The following PROCR variants were observed in gnomAD, a reference collection of about 807,000 sequenced individuals.
PROCR encodes the protein endothelial protein C receptor.
Under a neutral mutation model 24.2 loss-of-function variants are expected in PROCR, and 22 were observed. That is an observed-to-expected ratio of 0.91 (90% CI 0.65 to 1.30). The LOEUF (loss-of-function observed/expected upper bound fraction) is 1.30, where lower values mean the gene tolerates loss of function less well. Among genes scored for constraint, PROCR ranks in the 50% most tolerant of loss-of-function variants. The pLI, the probability that PROCR is intolerant of heterozygous loss-of-function variation, is 0.00. For synonymous variants in PROCR, 137 were observed against 139.2 expected, an observed-to-expected ratio of 0.98 and a Z score of 0.11; for missense variants, 288 against 307.7, an observed-to-expected ratio of 0.94 and a Z score of 0.48.
downstream of PROCR, among the ~76,000 whole-genome samples, chr20:35,178,317 T>G (rs2086041636): frequency 7.2e-6 from 1 of 138,100 alleles, no homozygotes; most frequent in Non-Finnish European, 1.5e-5. Flanking sequence ...GGCAGGAGAA[T>G]CACTTGAACC....
At chr20:35,181,871 A>G (rs2086082077), downstream of PROCR, among the ~76,000 whole-genome samples, 1 of 152,228 alleles carries the variant, frequency 6.6e-6, no homozygotes, top group Admixed American at 6.5e-5. Flanking sequence ...TGGGAAAGCC[A>G]GATAATCAAG....
intron 1 of PROCR, among the ~76,000 whole-genome samples, 178 bp downstream of exon 1, chr20:35,172,402 G>A (rs1452323100): frequency 6.6e-6 from 1 of 152,182 alleles, no homozygotes. Context: ...GCCAAGGTGA[G>A]TTAGTACATT....
At chr20:35,211,366 G>A (rs915720305) in intron 1 of PROCR, among the ~76,000 whole-genome samples, 6 of 152,144 alleles carry the variant, frequency 3.9e-5, no homozygotes, top group Admixed American at 2.0e-4. Context: ...GCTTGCGGGA[G>A]CCTCCAAAAT....
chr20:35,215,625 C>T (rs2060379625), intron 1 of PROCR, among the ~76,000 whole-genome samples: 1 of 151,938 alleles, frequency 6.6e-6, no homozygotes. Flanking sequence ...GGGTTAAGGA[C>T]ATGAATTTAG....
downstream of PROCR, among the ~76,000 whole-genome samples, chr20:35,182,091 G>A (rs934509807): frequency 1.3e-5 from 2 of 152,222 alleles, no homozygotes; most frequent in African/African-American, 4.8e-5. Context: ...TGTTGCTTTT[G>A]CCTTAGCTGC....
intron 1 of PROCR, among the ~76,000 whole-genome samples, chr20:35,194,004 TGA>T (rs1208406798): frequency 2.6e-5 from 4 of 152,150 alleles, no homozygotes; most frequent in Admixed American, 2.6e-4. Context: ...TGATAAGAGC[TGA>T]GAGAGTGGAA....
chr20:35,174,876 C>A lies in PROCR; in HGVS notation c.245C>A (p.Thr82Lys), dbSNP rs746904216. The change falls in exon 2 of 4, where the codon ACG becomes AAG. Residue 82 changes from threonine to lysine, a missense_variant. By Grantham distance (78) the Thr-to-Lys change is moderately conservative. Transcript: ENST00000216968. ...PLQEPESWAR[T>K]QSGLQSYLLQ... ...CAGGAGCCCGAGAGCTGGGCGCGCACGCAGAGTGGCCTGCAGTCCTACCTG... is the reference window on the plus strand; with the variant it reads ...CAGGAGCCCGAGAGCTGGGCGCGCAAGCAGAGTGGCCTGCAGTCCTACCTG... 1 of 1,612,736 alleles carries A rather than the reference C, an allele frequency of 6.2e-7. No individual in the cohort carries two copies. The highest frequency in any genetic ancestry group is 8.5e-7 in the Non-Finnish European group (1 of 1,179,556).
chr20:35,207,136 G>T (rs2060345528), intron 1 of PROCR, among the ~76,000 whole-genome samples: 1 of 152,118 alleles, frequency 6.6e-6, no homozygotes, highest in Non-Finnish European at 1.5e-5. Context: ...GTCTGGAAAA[G>T]AAAAAACTAT....
chr20:35,185,314 G>C (rs751861114), intron 1 of PROCR, among the ~76,000 whole-genome samples: 2 of 152,182 alleles, frequency 1.3e-5, no homozygotes, highest in African/African-American at 2.4e-5. Flanking sequence ...AGCTGCTATG[G>C]AAAACAGCGT....
At chr20:35,211,331 G>C (rs919193588) in intron 1 of PROCR, among the ~76,000 whole-genome samples, 2 of 152,272 alleles carry the variant, frequency 1.3e-5, no homozygotes, top group Middle Eastern at 3.4e-3. Flanking sequence ...AAAGGTATAA[G>C]GAGATTCAGA....
chr20:35,191,169 C>G (rs530172714), intron 1 of PROCR, among the ~76,000 whole-genome samples: 1 of 152,242 alleles, frequency 6.6e-6, no homozygotes, highest in East Asian at 1.9e-4. Context: ...ATCTTTTCTT[C>G]TCCAGATTAA....
In PROCR at chr20:35,174,976, C is replaced by CG. The variant is rs1307016317; in HGVS notation, c.322+27dup. ...CCTGTGAGTAGGCGCGCAGCGGGGGCGGGGTCTGGGCGGGGCTAGTGGGGG... is the reference window on the plus strand; with the variant it reads ...CCTGTGAGTAGGCGCGCAGCGGGGGCGGGGGTCTGGGCGGGGCTAGTGGGGG... On this transcript the variant is annotated intron_variant, in intron 2 of 3. Transcript: ENST00000216968. 39 of 123,638 alleles carry CG rather than the reference C, an allele frequency of 3.2e-4. No homozygotes were observed. In the East Asian group the frequency reaches 4.2e-3, roughly 13 times the overall value. The allele number at this position is 123,638 out of a possible 1,614,324, so 7.7% of individuals were successfully genotyped here.
At chr20:35,210,533 C>T (rs986639727) in intron 1 of PROCR, among the ~76,000 whole-genome samples, 18 of 152,084 alleles carry the variant, frequency 1.2e-4, no homozygotes, top group Admixed American at 3.3e-4. Context: ...GGCAACAGAG[C>T]GAGACCCTGT....
rs1165509154 is a variant in PROCR, at chr20:35,176,858, G to A, written c.*45G>A. The A allele has an allele frequency of 6.3e-7, 1 of 1,599,766 alleles. No individual in the cohort carries two copies. Among genetic ancestry groups the A allele is most frequent in the South Asian group, 1.1e-5 (1 of 88,872 alleles). ...GAAGGGGCTGGATTGATGGAGGCTG[G>A]CAAGGGAAAGTTTCAGCTCACTGTG... On this transcript the variant is annotated 3_prime_UTR_variant, in exon 4 of 4. Transcript: ENST00000216968.
chr20:35,184,258 T>G, intron 1 of PROCR, among the ~76,000 whole-genome samples: 1 of 152,174 alleles, frequency 6.6e-6, no homozygotes, highest in East Asian at 1.9e-4. Flanking sequence ...CAAATACTTA[T>G]AGCCAACTGA....
At chr20:35,210,362 T>G (rs1436637963) in intron 1 of PROCR, among the ~76,000 whole-genome samples, 1 of 151,832 alleles carries the variant, frequency 6.6e-6, no homozygotes, top group African/African-American at 2.4e-5. Flanking sequence ...CTGGGCAATA[T>G]AGTATGACCT....
At chr20:35,185,211 C>T (rs892311040) in intron 1 of PROCR, among the ~76,000 whole-genome samples, 1 of 152,024 alleles carries the variant, frequency 6.6e-6, no homozygotes, top group Non-Finnish European at 1.5e-5. Flanking sequence ...ATAAGAATGG[C>T]CATAATCAAA....
chr20:35,205,119 A>G (rs2060333099), intron 1 of PROCR, among the ~76,000 whole-genome samples: 2 of 151,690 alleles, frequency 1.3e-5, no homozygotes, highest in Non-Finnish European at 2.9e-5. Flanking sequence ...CTAAAAATAC[A>G]AAAATTAGCT....
chr20:35,185,171 A>G (rs908824068), intron 1 of PROCR, among the ~76,000 whole-genome samples: 2 of 152,224 alleles, frequency 1.3e-5, no homozygotes, highest in African/African-American at 4.8e-5. Flanking sequence ...AATGCAAATC[A>G]AAACCACAAA....
Sources: gnomAD v4.1 joint callset for allele counts (sites outside exome capture counted in the v4.1 genomes callset) on GRCh38, gnomAD v4.1.1 for gene constraint, MANE v1.5 for transcripts, NCBI Gene and HGNC (gene_info 2026-07-23, HGNC 2026-07-21) for gene names.